The following PSMA1 variants were observed in gnomAD, a reference collection of about 807,000 sequenced individuals.
PSMA1 encodes proteasome 20S subunit alpha 1.
Under a neutral mutation model 38.4 loss-of-function variants are expected in PSMA1, and 3 were observed. The ratio of observed to expected loss-of-function variants is 0.08; its 90% CI spans 0.04 to 0.20. The LOEUF is 0.20. Ranked by LOEUF, PSMA1 falls within the 10% of genes least tolerant of loss-of-function variation. The pLI, the probability that PSMA1 is intolerant of heterozygous loss-of-function variation, is 1.00. For synonymous variants in PSMA1, 101 were observed against 107.1 expected, an observed-to-expected ratio of 0.94 and a Z score of 0.35; for missense variants, 227 against 325.3, an observed-to-expected ratio of 0.70 and a Z score of 2.32.
chr11:14,598,574 C>CTT (rs3053229), intron 2 of PSMA1, among the ~76,000 whole-genome samples: 12 of 144,314 alleles, frequency 8.3e-5, no homozygotes, highest in East Asian at 2.0e-4. Flanking sequence ...GCAACCCCTG[C>CTT]TTTTTTTTTT....
intron 2 of PSMA1, among the ~76,000 whole-genome samples, chr11:14,600,146 G>A (rs1852562062): frequency 6.6e-6 from 1 of 152,130 alleles, no homozygotes; most frequent in Admixed American, 6.5e-5. Flanking sequence ...CCACCTATAT[G>A]AGGTGTCTGT....
At position 14,510,964 on chromosome 11, in the gene PSMA1, A is replaced by T; in HGVS notation, c.545-13T>A. The T allele has an allele frequency of 6.8e-7, 1 of 1,474,380 alleles. No individual in the cohort carries two copies. Among genetic ancestry groups the T allele is most frequent in the Non-Finnish European group, 9.3e-7 (1 of 1,073,582 alleles). The allele number at this position is 1,474,380 out of a possible 1,614,324, so 91.3% of individuals were successfully genotyped here. On this transcript the variant is annotated splice_polypyrimidine_tract_variant and intron_variant, in intron 7 of 9. Transcript: ENST00000396394. Reference sequence around the variant, plus strand: ...TCATTTAAATTACCTATATGTAATAAATTAACAATTATTTCTTAATTTCAT... The same window carrying T: ...TCATTTAAATTACCTATATGTAATATATTAACAATTATTTCTTAATTTCAT...
intron 9 of PSMA1, among the ~76,000 whole-genome samples, chr11:14,506,832 A>G (rs1186694368): frequency 6.6e-6 from 1 of 152,200 alleles, no homozygotes; most frequent in Admixed American, 6.5e-5. Flanking sequence ...CCAATATGCT[A>G]GAGAGACCCT....
intron 1 of PSMA1, among the ~76,000 whole-genome samples, chr11:14,631,635 A>G (rs1237856893): frequency 6.6e-6 from 1 of 152,110 alleles, no homozygotes; most frequent in Non-Finnish European, 1.5e-5. Flanking sequence ...AAAAAAATGT[A>G]TATTCTGTTG....
intron 2 of PSMA1, among the ~76,000 whole-genome samples, chr11:14,596,379 T>C (rs1273932301): frequency 6.6e-6 from 1 of 152,244 alleles, no homozygotes; most frequent in African/African-American, 2.4e-5. Context: ...TCCATGAACA[T>C]GGAATATTCT....
intron 2 of PSMA1, among the ~76,000 whole-genome samples, chr11:14,591,526 CCT>C (rs1852414469): frequency 6.6e-6 from 1 of 152,218 alleles, no homozygotes; most frequent in South Asian, 2.1e-4. Flanking sequence ...CAGCTGGGTT[CCT>C]GAGTCTGGCG....
At chr11:14,642,091 CCACACACATA>C (rs1391648230) in intron 1 of PSMA1, among the ~76,000 whole-genome samples, 6 of 152,086 alleles carry the variant, frequency 3.9e-5, no homozygotes, top group Non-Finnish European at 7.4e-5. Flanking sequence ...GATTAAATGC[CCACACACATA>C]CACGCACATG....
chr11:14,550,340 G>A (rs1318901591), intron 2 of PSMA1, among the ~76,000 whole-genome samples: 1 of 152,130 alleles, frequency 6.6e-6, no homozygotes, highest in Non-Finnish European at 1.5e-5. Context: ...CCCCAACCCA[G>A]TTGAAGTGAT....
At chr11:14,541,575 G>A (rs1851773434) in intron 2 of PSMA1, among the ~76,000 whole-genome samples, 1 of 152,182 alleles carries the variant, frequency 6.6e-6, no homozygotes, top group Admixed American at 6.5e-5. Context: ...GCAGGGCTCT[G>A]GAGCCTTGAC....
intron 2 of PSMA1, among the ~76,000 whole-genome samples, chr11:14,564,559 AG>A (rs1467379687): frequency 2.6e-5 from 4 of 152,308 alleles, no homozygotes; most frequent in South Asian, 4.1e-4. Flanking sequence ...ATAAATGCCC[AG>A]GGGTGCAATT....
chr11:14,581,559 G>A (rs1852281860), intron 2 of PSMA1, among the ~76,000 whole-genome samples: 1 of 151,874 alleles, frequency 6.6e-6, no homozygotes, highest in East Asian at 1.9e-4. Context: ...ACTATTCAGA[G>A]GCAAATACAC....
Position 14,513,821 on chromosome 11 carries a change from T to G in PSMA1, c.410A>C (p.Tyr137Ser), listed in dbSNP as rs146802101. Reference sequence around the variant, plus strand: ...AACAATATTCAATGAACTTACATCATAACCAGCAATAAGGAGACCAACACC... The same window carrying G: ...AACAATATTCAATGAACTTACATCAGAACCAGCAATAAGGAGACCAACACC... ...PYGVGLLIAG[Y>S]DDMGPHIFQT... Residue 137 changes from tyrosine (Y) to serine (S), a missense_variant, in exon 6 of 10, where the codon TAT becomes TCT. Coordinates refer to ENST00000396394, the MANE Select transcript of PSMA1 (RefSeq NM_002786.4). 2 of 1,589,170 alleles carry G rather than the reference T, an allele frequency of 1.3e-6. No individual in the cohort carries two copies. The highest frequency in any genetic ancestry group is 1.7e-6 in the Non-Finnish European group (2 of 1,172,384).
chr11:14,520,467 C>T (rs917953783), upstream of PSMA1: 94 of 1,530,786 alleles, frequency 6.1e-5, no homozygotes, highest in Non-Finnish European at 8.0e-5. Context: ...AACACTTCCC[C>T]CTCCTTAAAA....
intron 2 of PSMA1, among the ~76,000 whole-genome samples, chr11:14,565,374 T>C (rs1272449297): frequency 2.0e-5 from 3 of 152,176 alleles, no homozygotes; most frequent in African/African-American, 7.2e-5. Flanking sequence ...CTATTCTTTG[T>C]TTTTCACTTT....
At chr11:14,573,724 T>C (rs997260578) in intron 2 of PSMA1, among the ~76,000 whole-genome samples, 2 of 152,290 alleles carry the variant, frequency 1.3e-5, no homozygotes, top group Admixed American at 6.5e-5. Context: ...AGTCAAATTG[T>C]ACTTGTTTGC....
Position 14,576,953 on chromosome 11 carries a change from C to T in PSMA1, c.21+34013G>A, listed in dbSNP as rs184001949. Among the ~76,000 whole-genome samples the T allele has an allele frequency of 1.4e-3, 218 of 152,254 alleles. 5 individuals are homozygous for T. The highest frequency in any genetic ancestry group is 3.1e-4 in the Non-Finnish European group (21 of 68,014). The stretch of plus-strand genomic sequence containing the variant: ...CATTTCTTTGTGTCCTCTTTTATTT[C>T]GTTGAGCAGTGTTTTGTAGTTCTCC... On this transcript the variant is annotated intron_variant, in intron 2 of 10. Coordinates refer to the PSMA1 transcript ENST00000418988.
intron 2 of PSMA1, among the ~76,000 whole-genome samples, chr11:14,558,946 G>A (rs141778295): frequency 6.6e-6 from 1 of 152,338 alleles, no homozygotes; most frequent in East Asian, 1.9e-4. Context: ...CATGAGCTCT[G>A]GGTTGTTGGT....
intron 1 of PSMA1, 185 bp from the exon 2 acceptor site, chr11:14,519,226 G>T: frequency 1.5e-6 from 1 of 660,234 alleles, no homozygotes; most frequent in South Asian, 1.5e-5. Context: ...AAACTCGTGG[G>T]AGAGGGAGAA....
chr11:14,517,614 G>C (rs774035608), intron 4 of PSMA1, 28 bp downstream of exon 4: 2 of 1,447,800 alleles, frequency 1.4e-6, no homozygotes, highest in South Asian at 1.3e-5. Context: ...AAACAAAAAG[G>C]ATGTTTATTT....
Sources: gnomAD v4.1 joint callset for allele counts (sites outside exome capture counted in the v4.1 genomes callset) on GRCh38, gnomAD v4.1.1 for gene constraint, MANE v1.5 for transcripts, NCBI Gene and HGNC (gene_info 2026-07-23, HGNC 2026-07-21) for gene names.